GAS7: variants seen among roughly 807,000 people sequenced by gnomAD.
GAS7 encodes growth arrest specific 7, also known as growth arrest-specific protein 7.
In GAS7, 28 loss-of-function variants were observed where a neutral mutation model predicts 71.1. That is an observed-to-expected ratio of 0.39 (90% confidence interval 0.29 to 0.54). GAS7 has a LOEUF of 0.54. Among genes scored for constraint, GAS7 ranks in the 20% least tolerant of loss-of-function variants. The pLI is 0.62. For synonymous variants in GAS7, 258 were observed against 245.8 expected, an observed-to-expected ratio of 1.05 and a Z score of -0.46; for missense variants, 436 against 627.8, an observed-to-expected ratio of 0.69 and a Z score of 3.27.
At chr17:10,045,602 CAGG>C (rs1297600426) in intron 1 of GAS7, among the ~76,000 whole-genome samples, 1 of 152,148 alleles carries the variant, frequency 6.6e-6, no homozygotes, top group Non-Finnish European at 1.5e-5. Context: ...CAGGCTGAGA[CAGG>C]AGAATTGCTT....
chr17:9,936,037 C>A (rs749146309), intron 8 of GAS7, among the ~76,000 whole-genome samples: 44 of 152,192 alleles, frequency 2.9e-4, no homozygotes, highest in Non-Finnish European at 5.3e-4. Context: ...AGGGTGTTTC[C>A]ATGGGGGAAA....
chr17:9,945,205 C>T (rs1183798394), intron 6 of GAS7, among the ~76,000 whole-genome samples: 1 of 152,080 alleles, frequency 6.6e-6, no homozygotes, highest in East Asian at 1.9e-4. Flanking sequence ...GATGATGTTT[C>T]CAAACCCAGG....
intron 1 of GAS7, among the ~76,000 whole-genome samples, chr17:10,179,883 C>A (rs1467104508): frequency 2.0e-5 from 3 of 152,018 alleles, no homozygotes; most frequent in Non-Finnish European, 4.4e-5. Context: ...ATAGTAATGA[C>A]CAGCATTCTG....
Position 9,946,999 on chromosome 17 carries a change from C to T in GAS7, c.526-16G>A. 6.3e-7 allele frequency: 1 copy of T among 1,584,604 alleles called. No homozygotes were observed. Among genetic ancestry groups the T allele is most frequent in the Non-Finnish European group, 8.7e-7 (1 of 1,153,524 alleles). On this transcript the variant is annotated splice_polypyrimidine_tract_variant and intron_variant, in intron 5 of 13. Transcript: ENST00000432992. ...CACAGTTTATCTGTAGGGCACAGAA[C>T]AAGAAAGAATGACCCCGCTGGAGAC...
In GAS7 at chr17:9,982,637, C is replaced by T. The variant is rs1029174313; in HGVS notation, c.305-753G>A. On this transcript the variant is annotated intron_variant, in intron 2 of 13. Transcript: ENST00000432992. ...ACTAAAAACACAAAAATTAGCCAGG[C>T]GTGGTGGCACGTGCCTGTGATCCCA... Among the ~76,000 whole-genome samples, 7 of 151,778 alleles carry T rather than the reference C, an allele frequency of 4.6e-5. No individual in the cohort carries two copies. The East Asian group carries it at 7.7e-4, about 17-fold the overall frequency.
rs201619318 is a variant in GAS7, at chr17:10,163,438, A to AT, written c.183+34769dup. On this transcript the variant is annotated intron_variant, in intron 1 of 13. Coordinates refer to ENST00000432992, the MANE Select transcript of GAS7 (RefSeq NM_201433.2). ...ACCAGGCTGGGCCAAAAAATTTTTA[A>AT]TTTAAAAAAAAAAAAAAGAAAGGGA... is the stretch of plus-strand genomic sequence containing the variant. Among the ~76,000 whole-genome samples the AT allele has an allele frequency of 9.2e-5, 14 of 151,442 alleles. 1 individual carries two copies. The highest frequency in any genetic ancestry group is 1.7e-4 in the African/African-American group (7 of 41,284).
chr17:9,929,115 T>C (rs1444524347), intron 9 of GAS7, among the ~76,000 whole-genome samples: 2 of 152,148 alleles, frequency 1.3e-5, no homozygotes, highest in South Asian at 2.1e-4. Context: ...TTCCCACGTA[T>C]ATAGGTTTGG....
chr17:10,052,525 A>G (rs568496572), intron 1 of GAS7, among the ~76,000 whole-genome samples: 2 of 152,358 alleles, frequency 1.3e-5, no homozygotes, highest in East Asian at 1.9e-4. Context: ...AAGGATGCCA[A>G]CTGAGTGCCA....
intron 1 of GAS7, among the ~76,000 whole-genome samples, chr17:10,087,991 A>G (rs2073537755): frequency 6.6e-6 from 1 of 152,012 alleles, no homozygotes; most frequent in African/African-American, 2.4e-5. Flanking sequence ...AAAGGGAAGA[A>G]GGGCTTGGGC....
At chr17:10,130,798 TA>T (rs1365463163) in intron 1 of GAS7, among the ~76,000 whole-genome samples, 5 of 152,148 alleles carry the variant, frequency 3.3e-5, no homozygotes, top group Non-Finnish European at 5.9e-5. Context: ...ATCCCCAGAA[TA>T]GGCAAATCTA....
At chr17:10,023,447 C>T (rs1254913623) in intron 1 of GAS7, among the ~76,000 whole-genome samples, 1 of 152,068 alleles carries the variant, frequency 6.6e-6, no homozygotes, top group African/African-American at 2.4e-5. Context: ...TCAAATCCCC[C>T]ATCAACAGAT....
rs2067593555 is a variant in GAS7, at chr17:9,916,729, A to T, written c.*499T>A. On this transcript the variant is annotated 3_prime_UTR_variant, in exon 14 of 14. Transcript: ENST00000432992. Reference sequence around the variant, plus strand: ...CCAGAATGCAATGGGAAAAAAATAAAGAAGGAGGGCTGCAAAGGATTCTGG... The same window carrying T: ...CCAGAATGCAATGGGAAAAAAATAATGAAGGAGGGCTGCAAAGGATTCTGG... The T allele has an allele frequency of 5.1e-6, 2 of 389,514 alleles. No homozygotes were observed. Among genetic ancestry groups the T allele is most frequent in the East Asian group, 3.7e-5 (1 of 27,380 alleles). 24.1% of individuals were successfully genotyped at this position (389,514 alleles called of 1,614,324 possible).
At chr17:9,978,953 T>G (rs751815672) in intron 3 of GAS7, among the ~76,000 whole-genome samples, 17 of 152,114 alleles carry the variant, frequency 1.1e-4, no homozygotes, top group Admixed American at 3.3e-4. Context: ...GCCTGTGCAT[T>G]GTGGGATGTT....
At chr17:10,124,539 GCT>G (rs1169846141) in intron 1 of GAS7, among the ~76,000 whole-genome samples, 1 of 152,202 alleles carries the variant, frequency 6.6e-6, no homozygotes, top group Non-Finnish European at 1.5e-5. Flanking sequence ...TGATTTGCTG[GCT>G]CTCTTTCGGC....
At position 10,171,047 on chromosome 17, in the gene GAS7, A is replaced by G. The variant is rs531401277; in HGVS notation, c.183+27161T>C. 4.3e-3 allele frequency among the ~76,000 whole-genome samples: 649 copies of G among 152,272 alleles called. 4 individuals carry two copies. Among genetic ancestry groups the G allele is most frequent in the African/African-American group, 0.015 (620 of 41,552 alleles). On this transcript the variant is annotated intron_variant, in intron 1 of 13. Coordinates refer to ENST00000432992, the MANE Select transcript of GAS7 (RefSeq NM_201433.2). ...GCAAAAGTCCTCCTAACTCCCAGGC[A>G]CCATTTCTCTCTCTGTAGCTTCACT...
intron 1 of GAS7, among the ~76,000 whole-genome samples, chr17:10,128,365 C>A (rs2142084170): frequency 6.6e-6 from 1 of 152,304 alleles, no homozygotes; most frequent in African/African-American, 2.4e-5. Flanking sequence ...CTCCCAGGAG[C>A]CATTAGAGGG....
chr17:10,124,676 G>C (rs570951916), intron 1 of GAS7, among the ~76,000 whole-genome samples: 16 of 152,318 alleles, frequency 1.1e-4, no homozygotes, highest in South Asian at 6.2e-4. Flanking sequence ...AGCAGTTTGG[G>C]GGGGAGCTGA....
chr17:9,973,271 T>TG (rs2070042998), intron 3 of GAS7, among the ~76,000 whole-genome samples: 1 of 151,968 alleles, frequency 6.6e-6, no homozygotes, highest in Admixed American at 6.6e-5. Flanking sequence ...TTTTTTTTTT[T>TG]TGAGACGGAG....
At chr17:10,088,992 T>C (rs1037406975) in intron 1 of GAS7, among the ~76,000 whole-genome samples, 11 of 151,678 alleles carry the variant, frequency 7.3e-5, no homozygotes, top group Non-Finnish European at 1.6e-4. Flanking sequence ...ACCCCATCTC[T>C]ACTAAAAATA....
Sources: allele counts gnomAD v4.1 joint callset (sites outside exome capture counted in the v4.1 genomes callset), GRCh38; gene constraint gnomAD v4.1.1; transcripts MANE v1.5; gene names NCBI Gene and HGNC (gene_info 2026-07-23, HGNC 2026-07-21).